The following VWDE variants were observed in gnomAD, a reference collection of about 807,000 sequenced individuals.
The protein encoded by VWDE is von Willebrand factor D and EGF domain-containing protein.
In VWDE, 207 loss-of-function variants were observed where a neutral mutation model predicts 178.4. The ratio of observed to expected loss-of-function variants is 1.16; its 90% confidence interval spans 1.04 to 1.30. VWDE has a LOEUF of 1.30. Ranked by LOEUF, VWDE falls within the 50% of genes most tolerant of loss-of-function variation. The pLI, the probability that VWDE is intolerant of heterozygous loss-of-function variation, is 0.00. For missense variants in VWDE, 2,287 were observed against 1,901.3 expected, an observed-to-expected ratio of 1.20 and a Z score of -3.77; for synonymous variants, 738 against 651.4, an observed-to-expected ratio of 1.13 and a Z score of -2.02.
intron 19 of VWDE, among the ~76,000 whole-genome samples, chr7:12,350,236 G>T (rs1291993817): frequency 2.0e-5 from 3 of 151,780 alleles, no homozygotes; most frequent in Non-Finnish European, 4.4e-5. Flanking sequence ...AATATATCAG[G>T]ATTAGACTTG....
At position 12,355,246 on chromosome 7, in the gene VWDE, C is replaced by T. The variant is rs1332104523; in HGVS notation, c.3745+865G>A. On this transcript the variant is annotated intron_variant, in intron 18 of 28. Coordinates refer to ENST00000275358, the MANE Select transcript of VWDE (RefSeq NM_001135924.3). ...GCTGGCCAACATGGTGAAACCCCAT[C>T]TCTACTAAAAATACAAAAAAATTAG... Among the ~76,000 whole-genome samples the T allele has an allele frequency of 2.0e-5, 3 of 152,060 alleles. No homozygotes were observed. In the East Asian group the frequency reaches 5.8e-4, roughly 29 times the overall value.
chr7:12,393,994 T>C lies in VWDE; in HGVS notation c.59-216A>G, dbSNP rs753511813. ...TGCGATAAACAAATCAACAAAACTC[T>C]TTAGAATGTACTTTTGAAACACTTA... On this transcript the variant is annotated intron_variant, in intron 1 of 28. Transcript: ENST00000275358. 2.3e-4 allele frequency among the ~76,000 whole-genome samples: 35 copies of C among 152,194 alleles called. 1 individual carries two copies. Among genetic ancestry groups the C allele is most frequent in the Admixed American group, 1.2e-3 (19 of 15,270 alleles).
intron 15 of VWDE, 107 bp from the exon 16 acceptor site, chr7:12,359,799 A>C: frequency 1.6e-6 from 1 of 638,674 alleles, no homozygotes; most frequent in East Asian, 2.8e-5. Context: ...ACGAAAGCAC[A>C]TACATCTATT....
chr7:12,388,892 A>G (rs929440650), intron 3 of VWDE: 3 of 680,130 alleles, frequency 4.4e-6, no homozygotes, highest in Non-Finnish European at 5.5e-6. Flanking sequence ...GTCCAGTGGA[A>G]AAATGTGAGA....
rs1780852041 is a variant in VWDE, at chr7:12,333,566, T to C, written c.4657A>G (p.Ile1553Val). Residue 1553 changes from isoleucine to valine, a missense_variant and splice_region_variant, in exon 28 of 29, where the codon ATT becomes GTT. Ile to Val is a conservative substitution (Grantham distance 29). Coordinates refer to ENST00000275358, the MANE Select transcript of VWDE (RefSeq NM_001135924.3). ...SWEGVRCQIP[I>V]CNPKCLYGGR... ...CCATAAAGACATTTTGGGTTGCAAA[T>C]TGCTGCAATACACAAATTTTTACAA... 2 of 1,548,936 alleles carry C rather than the reference T, an allele frequency of 1.3e-6. No homozygotes were observed. The highest frequency in any genetic ancestry group is 1.4e-5 in the African/African-American group (1 of 73,094).
intron 28 of VWDE, among the ~76,000 whole-genome samples, chr7:12,331,588 G>T (rs1780725448): frequency 6.6e-6 from 1 of 151,954 alleles, no homozygotes; most frequent in Non-Finnish European, 1.5e-5. Flanking sequence ...TCCTCTATTG[G>T]ATGTAATTAG....
Position 12,379,542 on chromosome 7 carries a change from A to T in VWDE, c.814T>A (p.Phe272Ile), listed in dbSNP as rs929679321. The T allele has an allele frequency of 6.5e-7, 1 of 1,550,164 alleles. No homozygotes were observed. The highest frequency in any genetic ancestry group is 8.7e-7 in the Non-Finnish European group (1 of 1,146,408). The change falls in exon 6 of 29, where the codon TTC (phenylalanine) becomes ATC (isoleucine). Residue 272 changes from phenylalanine (F) to isoleucine (I), a missense_variant. Transcript: ENST00000275358. Reference sequence around the variant, plus strand: ...CTTTGTACATGAGGATTCTCCAAGAAAAAGACAGAAGCGCTGCAGAATATC... The same window carrying T: ...CTTTGTACATGAGGATTCTCCAAGATAAAGACAGAAGCGCTGCAGAATATC... Reference protein sequence around the residue: ...DRIFCSASVFFLENPHVQSVA... With the variant: ...DRIFCSASVFILENPHVQSVA...
Position 12,393,818 on chromosome 7 carries a change from G to A in VWDE, c.59-40C>T, listed in dbSNP as rs1458585578. 4 of 1,477,994 alleles carry A rather than the reference G, an allele frequency of 2.7e-6. No homozygotes were observed. The African/African-American group carries it at 5.7e-5, about 21-fold the overall frequency. The allele number at this position is 1,477,994 out of a possible 1,614,324, so 91.6% of individuals were successfully genotyped here. On this transcript the variant is annotated intron_variant, in intron 1 of 28. Transcript: ENST00000275358. ...CAGGTGTTTTTATGTAATGTGTTTT[G>A]TTTGTTGACATAGTTCGGTCCTCAA... is the stretch of plus-strand genomic sequence containing the variant.
intron 19 of VWDE, among the ~76,000 whole-genome samples, chr7:12,348,868 C>T (rs1350724208): frequency 6.6e-6 from 1 of 151,546 alleles, no homozygotes; most frequent in Non-Finnish European, 1.5e-5. Flanking sequence ...AAATGTGGCA[C>T]ATATACACCA....
At chr7:12,341,966 G>T in intron 23 of VWDE, 93 bp downstream of exon 23, 1 of 945,376 alleles carries the variant, frequency 1.1e-6, no homozygotes, top group South Asian at 1.6e-5. Flanking sequence ...GTCTTGTCAG[G>T]TCAGTTTTAT....
At chr7:12,391,634 C>T (rs1251758192) in intron 2 of VWDE, among the ~76,000 whole-genome samples, 1 of 152,100 alleles carries the variant, frequency 6.6e-6, no homozygotes, top group African/African-American at 2.4e-5. Flanking sequence ...AATGAAGTGT[C>T]ACAAAAGCGA....
intron 24 of VWDE, 61 bp from the exon 25 acceptor site, chr7:12,337,333 A>G: frequency 7.5e-7 from 1 of 1,341,020 alleles, no homozygotes; most frequent in Non-Finnish European, 1.0e-6. Context: ...CATATGATAC[A>G]TTGCATCATG....
chr7:12,376,953 A>G (rs1783563345), intron 7 of VWDE, among the ~76,000 whole-genome samples: 1 of 152,014 alleles, frequency 6.6e-6, no homozygotes, highest in Non-Finnish European at 1.5e-5. Context: ...TATTTATAAT[A>G]TGGACATGAA....
intron 7 of VWDE, among the ~76,000 whole-genome samples, chr7:12,377,303 C>T (rs975376867): frequency 1.2e-4 from 18 of 152,082 alleles, no homozygotes; most frequent in Non-Finnish European, 2.2e-4. Context: ...CAAACATAAA[C>T]GTACGTTAGG....
chr7:12,351,356 C>T (rs1440761109), intron 19 of VWDE, among the ~76,000 whole-genome samples: 1 of 152,082 alleles, frequency 6.6e-6, no homozygotes, highest in East Asian at 1.9e-4. Flanking sequence ...TTAAATGATG[C>T]TTTGTTCATT....
Position 12,369,914 on chromosome 7 carries a change from G to T in VWDE, c.2392C>A (p.Pro798Thr), listed in dbSNP as rs556192021. 6.4e-7 allele frequency: 1 copy of T among 1,551,470 alleles called. No individual in the cohort carries two copies. The highest frequency in any genetic ancestry group is 8.7e-7 in the Non-Finnish European group (1 of 1,146,884). The change falls in exon 12 of 29, where the codon CCC becomes ACC. Residue 798 changes from proline to threonine, a missense_variant. By Grantham distance (38) the Pro-to-Thr change is conservative. Transcript: ENST00000275358. ...GTGCTATACTCGGTGAGGCCAGAGG[G>T]AGTGGGCCAAGAGGGGAAAAACTCT... The part of the protein sequence containing the change: ...QQEFFPSWPT[P>T]SGLTEYSTLT...
At chr7:12,347,249 G>C (rs1781654186) in intron 19 of VWDE, among the ~76,000 whole-genome samples, 1 of 152,122 alleles carries the variant, frequency 6.6e-6, no homozygotes, top group African/African-American at 2.4e-5. Flanking sequence ...TTCTCCTTAG[G>C]AGAGTTTTTA....
rs1781416965 is a variant in VWDE at position 12,343,117 on chromosome 7, A to G, written c.4140T>C (p.Cys1380=). ...ACCTTGGTCCTACAAAACCATAAGG[A>G]CAAGTGCAGAGATTCCCAGCCAAGC... is the stretch of plus-strand genomic sequence containing the variant. ...GTCLAGNLCT[C]PYGFVGPRCE... Residue 1380 remains cysteine (C), a synonymous_variant, in exon 22 of 29, where the codon TGT becomes TGC. Transcript: ENST00000275358. 3 of 1,549,904 alleles carry G rather than the reference A, an allele frequency of 1.9e-6. No homozygotes were observed. Among genetic ancestry groups the G allele is most frequent in the African/African-American group, 2.7e-5 (2 of 72,984 alleles).
intron 3 of VWDE, among the ~76,000 whole-genome samples, chr7:12,388,537 CTA>C (rs918001111): frequency 6.6e-6 from 1 of 152,136 alleles, no homozygotes; most frequent in African/African-American, 2.4e-5. Flanking sequence ...TTCCTTGCCT[CTA>C]TTTAATTATC....
Sources: allele counts gnomAD v4.1 joint callset (sites outside exome capture counted in the v4.1 genomes callset), GRCh38; gene constraint gnomAD v4.1.1; transcripts MANE v1.5; gene names NCBI Gene and HGNC (gene_info 2026-07-23, HGNC 2026-07-21).